Variants in USP6NL observed in about 807,000 individuals in gnomAD.
USP6NL encodes USP6 N-terminal like, also known as USP6 N-terminal-like protein.
A neutral mutation model predicts 61.9 loss-of-function variants in USP6NL; 26 were observed. The ratio of observed to expected loss-of-function variants is 0.42; its 90% CI spans 0.31 to 0.58. The LOEUF (loss-of-function observed/expected upper bound fraction) is 0.58, where lower values mean the gene tolerates loss of function less well. Ranked by LOEUF, USP6NL falls within the 20% of genes least tolerant of loss-of-function variation. The probability of loss-of-function intolerance (pLI) is 0.16; values close to 1 mark genes in which losing one functional copy is unlikely to be tolerated. For synonymous variants in USP6NL, 432 were observed against 390.1 expected, an observed-to-expected ratio of 1.11 and a Z score of -1.27; for missense variants, 1,114 against 1,034.3, an observed-to-expected ratio of 1.08 and a Z score of -1.06.
Position 11,525,536 on chromosome 10 carries a change from G to A in USP6NL, c.73-68C>T. The A allele has an allele frequency of 2.2e-6, 3 of 1,351,166 alleles. No individual in the cohort carries two copies. Among genetic ancestry groups the A allele is most frequent in the Admixed American group, 2.7e-5 (1 of 37,652 alleles). 83.7% of individuals were successfully genotyped at this position (1,351,166 alleles called of 1,614,324 possible). A position where few individuals can be genotyped will look rare whatever the true frequency, so the allele number is the denominator to read the frequency against. On this transcript the variant is annotated intron_variant, in intron 3 of 14. Coordinates refer to ENST00000609104, the MANE Select transcript of USP6NL (RefSeq NM_014688.5). The surrounding 1 kb of genome is among the most constrained non-coding windows in gnomAD (Gnocchi z 5.0). ...AACTGAATAATTTTTTAAAATAAAA[G>A]GACGAAGAAATAAGAGCTATTTTTA...
At chr10:11,542,183 A>T (rs552305628) in intron 2 of USP6NL, among the ~76,000 whole-genome samples, 1 of 152,252 alleles carries the variant, frequency 6.6e-6, no homozygotes, top group Admixed American at 6.5e-5. Context: ...ATTAATTCAG[A>T]AAGTACTGAA....
At position 11,532,411 on chromosome 10, in the gene USP6NL, C is replaced by A; in HGVS notation, c.5-4844G>T. 1.9e-6 allele frequency: 1 copy of A among 530,814 alleles called. No individual in the cohort carries two copies. The highest frequency in any genetic ancestry group is 3.3e-6 in the Non-Finnish European group (1 of 304,756). The allele number at this position is 530,814 out of a possible 1,614,324, so 32.9% of individuals were successfully genotyped here. The stretch of plus-strand genomic sequence containing the variant: ...AAGAAGAAAAAGTTTGAGATGCACT[C>A]TGTCTTCTTCTAAGGGAGAAAAAAA... On this transcript the variant is annotated intron_variant, in intron 2 of 14. Transcript: ENST00000609104. The surrounding 1 kb of genome is among the most constrained non-coding windows in gnomAD (Gnocchi z 4.1).
chr10:11,602,629 G>A lies in USP6NL; in HGVS notation c.-83-4912C>T, dbSNP rs186251346. ...TATATGTCAGGGCAGACTCCCAGGT[G>A]CTGGTTGAGTATGCCAAATCTAAAC... On this transcript the variant is annotated intron_variant, in intron 1 of 14. Transcript: ENST00000609104. The surrounding 1 kb of genome is among the most constrained non-coding windows in gnomAD (Gnocchi z 4.8). Among the ~76,000 whole-genome samples, 118 of 152,250 alleles carry A rather than the reference G, an allele frequency of 7.8e-4. No homozygotes were observed. Among genetic ancestry groups the A allele is most frequent in the African/African-American group, 2.8e-3 (117 of 41,534 alleles).
chr10:11,576,070 T>G (rs1330253716), intron 2 of USP6NL, among the ~76,000 whole-genome samples: 2 of 150,326 alleles, frequency 1.3e-5, no homozygotes, highest in African/African-American at 2.5e-5. Flanking sequence ...ATACTTCAAC[T>G]CACTCTCTAA....
chr10:11,494,914 G>A lies in USP6NL; in HGVS notation c.385-1686C>T, dbSNP rs544891067. On this transcript the variant is annotated intron_variant, in intron 7 of 14. Coordinates refer to ENST00000609104, the MANE Select transcript of USP6NL (RefSeq NM_014688.5). ...ATCACAGGGAGACGGTTAGGCCTCC[G>A]GATAACTGCAGGCGAGCCTGACTAA... 3.0e-3 allele frequency among the ~76,000 whole-genome samples: 440 copies of A among 145,816 alleles called. 1 individual carries two copies. The highest frequency in any genetic ancestry group is 4.5e-3 in the Non-Finnish European group (294 of 65,884).
rs189181741 is a variant in USP6NL at position 11,600,740 on chromosome 10, C to T, written c.-83-3023G>A. Among the ~76,000 whole-genome samples the T allele has an allele frequency of 1.5e-4, 23 of 152,136 alleles. No individual in the cohort carries two copies. The highest frequency in any genetic ancestry group is 8.3e-4 in the South Asian group (4 of 4,812). ...ATCCCAGCACTTTGGGAGGCCGAGG[C>T]GGGTGGATCACGAGGTCAGGAGTTC... On this transcript the variant is annotated intron_variant, in intron 1 of 14. Transcript: ENST00000609104. This position sits in a 1 kb window ranked among gnomAD's most constrained non-coding sequence, Gnocchi z 4.1.
chr10:11,483,622 AGAAGGGGAGGGAGAGG>A (rs1833322831), intron 13 of USP6NL, among the ~76,000 whole-genome samples: 1 of 3,804 alleles, frequency 2.6e-4, no homozygotes, highest in Non-Finnish European at 4.6e-4. Flanking sequence ...AGAGGGGGGG[AGAAGGGGAGGGAGAGG>A]GGGAGGGGGA....
At position 11,496,421 on chromosome 10, in the gene USP6NL, G is replaced by A. The variant is rs1833925832; in HGVS notation, c.385-3193C>T. On this transcript the variant is annotated intron_variant, in intron 7 of 14. Transcript: ENST00000609104. The surrounding 1 kb of genome is among the most constrained non-coding windows in gnomAD (Gnocchi z 5.4). ...CTCAGGTTTGCTAAGTTTACTAAAT[G>A]TCTGTCTGCATTCTCATTTTCCAAA... Among the ~76,000 whole-genome samples the A allele has an allele frequency of 6.6e-6, 1 of 152,160 alleles. No individual in the cohort carries two copies. Among genetic ancestry groups the A allele is most frequent in the Admixed American group, 6.5e-5 (1 of 15,284 alleles).
Position 11,587,496 on chromosome 10 carries a change from T to C in USP6NL, c.4+10135A>G, listed in dbSNP as rs1416733349. On this transcript the variant is annotated intron_variant, in intron 2 of 14. Coordinates refer to ENST00000609104, the MANE Select transcript of USP6NL (RefSeq NM_014688.5). This position sits in a 1 kb window ranked among gnomAD's most constrained non-coding sequence, Gnocchi z 4.5. ...AAATCTAATATGACCCATAAATCTC[T>C]ACAGCCTAATCAGAATCAGAGTCTT... 6.6e-6 allele frequency among the ~76,000 whole-genome samples: 1 copy of C among 152,202 alleles called. No individual in the cohort carries two copies. Among genetic ancestry groups the C allele is most frequent in the Non-Finnish European group, 1.5e-5 (1 of 68,026 alleles).
chr10:11,563,121 A>G (rs897913764), intron 2 of USP6NL: 1 of 152,206 alleles, frequency 6.6e-6, no homozygotes, highest in African/African-American at 2.4e-5. Context: ...TAAAAAAGAG[A>G]CAAACCATTG....
chr10:11,584,047 A>G (rs1837884813), intron 2 of USP6NL, among the ~76,000 whole-genome samples: 1 of 151,626 alleles, frequency 6.6e-6, no homozygotes, highest in Non-Finnish European at 1.5e-5. Flanking sequence ...AAAAGGAAAA[A>G]AAGGCATTTA....
At position 11,462,334 on chromosome 10, in the gene USP6NL, TG is replaced by T. The variant is rs1356984918; in HGVS notation, c.*106del. Reference sequence around the variant, plus strand: ...TCTTACTACTAACAGACAGGAGAGATGTGCGAGTTGTTTACAATAGTATAAA... The same window carrying T: ...TCTTACTACTAACAGACAGGAGAGATTGCGAGTTGTTTACAATAGTATAAA... On this transcript the variant is annotated 3_prime_UTR_variant, in exon 15 of 15. Coordinates refer to ENST00000609104, the MANE Select transcript of USP6NL (RefSeq NM_014688.5). 1.2e-5 allele frequency: 15 copies of T among 1,249,964 alleles called. No homozygotes were observed. Among genetic ancestry groups the T allele is most frequent in the Non-Finnish European group, 1.6e-5 (15 of 920,350 alleles). 77.4% of individuals were successfully genotyped at this position (1,249,964 alleles called of 1,614,324 possible). A position where few individuals can be genotyped will look rare whatever the true frequency, so the allele number is the denominator to read the frequency against.
At chr10:11,473,641 C>A (rs1832849595) in intron 14 of USP6NL, among the ~76,000 whole-genome samples, 1 of 152,148 alleles carries the variant, frequency 6.6e-6, no homozygotes, top group African/African-American at 2.4e-5. Context: ...TAATGCACAG[C>A]TCTGGAGTCA....
In USP6NL at chr10:11,527,574, A is replaced by G; in HGVS notation, c.5-7T>C. 1.9e-6 allele frequency: 3 copies of G among 1,605,130 alleles called. No homozygotes were observed. The highest frequency in any genetic ancestry group is 2.6e-6 in the Non-Finnish European group (3 of 1,175,378). ...GCTACATCCTGGTCTGAATCTGTGG[A>G]GAAGACATCAAATTTAGATGAATTG... On this transcript the variant is annotated splice_region_variant and splice_polypyrimidine_tract_variant and intron_variant, in intron 2 of 14. Coordinates refer to ENST00000609104, the MANE Select transcript of USP6NL (RefSeq NM_014688.5).
intron 2 of USP6NL, among the ~76,000 whole-genome samples, chr10:11,531,303 T>C (rs117025750): frequency 0.01 from 1,533 of 152,254 alleles, 11 homozygotes; most frequent in Non-Finnish European, 0.016. Context: ...CAGAAATATG[T>C]AGATCAACTA....
intron 13 of USP6NL, among the ~76,000 whole-genome samples, chr10:11,483,736 GAA>G (rs1833340334): frequency 1.3e-5 from 2 of 150,280 alleles, no homozygotes; most frequent in African/African-American, 4.9e-5. Context: ...GGGGAGGAAG[GAA>G]AAGAGATTTC....
At chr10:11,551,699 A>C (rs552239433) in intron 2 of USP6NL, among the ~76,000 whole-genome samples, 1 of 152,310 alleles carries the variant, frequency 6.6e-6, no homozygotes, top group African/African-American at 2.4e-5. Flanking sequence ...CTGTTCACTT[A>C]ACTATGTTTA....
intron 2 of USP6NL, among the ~76,000 whole-genome samples, chr10:11,541,862 A>G (rs534608559): frequency 6.6e-6 from 1 of 152,364 alleles, no homozygotes; most frequent in African/African-American, 2.4e-5. Flanking sequence ...GACAGATGAC[A>G]CTGACACTAT....
rs1230275360 is a variant in USP6NL, at chr10:11,491,903, C to T, written c.495-1023G>A. ...GCATTATAAACACCACCTGTGACCA[C>T]ATGACCAGTCACAGAAGGGATTGCT... On this transcript the variant is annotated intron_variant, in intron 8 of 14. Coordinates refer to ENST00000609104, the MANE Select transcript of USP6NL (RefSeq NM_014688.5). This position sits in a 1 kb window ranked among gnomAD's most constrained non-coding sequence, Gnocchi z 4.7. 6.6e-6 allele frequency among the ~76,000 whole-genome samples: 1 copy of T among 152,220 alleles called. No homozygotes were observed. Among genetic ancestry groups the T allele is most frequent in the Non-Finnish European group, 1.5e-5 (1 of 68,042 alleles).
Sources: allele counts gnomAD v4.1 joint callset (sites outside exome capture counted in the v4.1 genomes callset), GRCh38; gene constraint gnomAD v4.1.1; non-coding constraint Gnocchi (gnomAD v3.1); transcripts MANE v1.5; gene names NCBI Gene and HGNC (gene_info 2026-07-23, HGNC 2026-07-21).